Variants in ZFP2 observed in about 807,000 individuals in gnomAD.
ZFP2 encodes zinc finger protein ZFP2.
In ZFP2, 33 loss-of-function variants were observed where a neutral mutation model predicts 36.1. That is an observed-to-expected ratio of 0.92 (90% CI 0.69 to 1.22). The LOEUF (loss-of-function observed/expected upper bound fraction) is 1.22, where lower values mean the gene tolerates loss of function less well. Among genes scored for constraint, ZFP2 ranks in the 50% most tolerant of loss-of-function variants. The pLI is 0.00. For synonymous variants in ZFP2, 170 were observed against 178.0 expected (o/e 0.96, Z 0.36); for missense variants, 522 against 551.4 (o/e 0.95, Z 0.53).
At chr5:178,912,428 A>AT (rs1758318072) in intron 1 of ZFP2, among the ~76,000 whole-genome samples, 156 bp from the exon 2 acceptor site, 1 of 151,830 alleles carries the variant, frequency 6.6e-6, no homozygotes, top group South Asian at 2.1e-4. Flanking sequence ...TTTTTATATT[A>AT]TGTCTCTGGT....
In ZFP2 at chr5:178,917,563, C is replaced by T. The variant is rs528667437; in HGVS notation, c.-78+853C>T. Among the ~76,000 whole-genome samples, 132 of 151,638 alleles carry T rather than the reference C, an allele frequency of 8.7e-4. 2 individuals are homozygous for T. The highest frequency in any genetic ancestry group is 1.4e-3 in the Non-Finnish European group (95 of 67,946). On this transcript the variant is annotated intron_variant, in intron 4 of 4. Coordinates refer to ENST00000361362, the MANE Select transcript of ZFP2 (RefSeq NM_030613.4). ...CCGGGAGGTGGAAGTTGCAGTAAGCCGAGATCATGCCACTGCACTCCAGCC... is the reference window on the plus strand; with the variant it reads ...CCGGGAGGTGGAAGTTGCAGTAAGCTGAGATCATGCCACTGCACTCCAGCC...
chr5:178,897,340 G>A (rs1212352414), intron 1 of ZFP2, among the ~76,000 whole-genome samples: 2 of 152,192 alleles, frequency 1.3e-5, no homozygotes, highest in South Asian at 2.1e-4. Flanking sequence ...ATATTTTCAC[G>A]CAGTTTGCAT....
Position 178,910,187 on chromosome 5 carries a change from T to A in ZFP2, c.-449-2397T>A, listed in dbSNP as rs977669189. Reference sequence around the variant, plus strand: ...ATGCTTTGCAGCCATCAAAAATCTTTCTGGTGAATTTGCACATGGTTGCAG... The same window carrying A: ...ATGCTTTGCAGCCATCAAAAATCTTACTGGTGAATTTGCACATGGTTGCAG... On this transcript the variant is annotated intron_variant, in intron 1 of 4. Transcript: ENST00000361362. 108 of 1,558,000 alleles carry A rather than the reference T, an allele frequency of 6.9e-5. 2 individuals carry two copies. Among genetic ancestry groups the A allele is most frequent in the Middle Eastern group, 3.4e-4 (2 of 5,934 alleles).
chr5:178,906,311 G>A (rs184516808), intron 1 of ZFP2, among the ~76,000 whole-genome samples: 38 of 152,176 alleles, frequency 2.5e-4, no homozygotes, highest in Admixed American at 9.8e-4. Context: ...TTTTGGAAGG[G>A]GAATCTTGCA....
rs146372307 is a variant in ZFP2, at chr5:178,932,695, C to T, written c.1382C>T (p.Thr461Met). The change falls in exon 5 of 5, where the codon ACG becomes ATG. Residue 461 changes from threonine to methionine, a missense_variant. Transcript: ENST00000361362. ...CTTACACGACATCAAAGAACTCATA[C>T]GTGAGGAATGTTTTCACTGGCCCTT... Reference protein sequence around the residue: ...TNLTRHQRTHT With the variant: ...TNLTRHQRTHM 260 of 1,586,826 alleles carry T rather than the reference C, an allele frequency of 1.6e-4. No homozygotes were observed. In the African/African-American group the frequency reaches 2.9e-3, roughly 18 times the overall value.
At chr5:178,912,384 T>C (rs141762622) in intron 1 of ZFP2, among the ~76,000 whole-genome samples, 200 bp from the exon 2 acceptor site, 11 of 152,294 alleles carry the variant, frequency 7.2e-5, no homozygotes, top group Admixed American at 5.9e-4. Context: ...TTCTCACTTA[T>C]ACCTACTCTT....
chr5:178,910,694 CAG>C (rs1758278901), intron 1 of ZFP2: 1 of 306,468 alleles, frequency 3.3e-6, no homozygotes, highest in Admixed American at 3.5e-5. Flanking sequence ...TGTCATCAGT[CAG>C]AGGAGCTAGC....
At chr5:178,916,798 T>A in intron 4 of ZFP2, 88 bp downstream of exon 4, 1 of 940,292 alleles carries the variant, frequency 1.1e-6, no homozygotes, top group Non-Finnish European at 1.3e-6. Context: ...ATCTTTTGTT[T>A]TGTTGGTTTT....
At chr5:178,908,330 C>T (rs996993331) in intron 1 of ZFP2, among the ~76,000 whole-genome samples, 2 of 151,534 alleles carry the variant, frequency 1.3e-5, no homozygotes, top group African/African-American at 4.9e-5. Context: ...GCCTGTAGTC[C>T]CAGCTACTCA....
intron 1 of ZFP2, among the ~76,000 whole-genome samples, chr5:178,898,249 G>C (rs967244389): frequency 6.6e-6 from 1 of 152,184 alleles, no homozygotes; most frequent in Non-Finnish European, 1.5e-5. Flanking sequence ...GCCTCCCAAA[G>C]TGCTGGGATT....
chr5:178,919,072 T>C (rs182154438), intron 4 of ZFP2, among the ~76,000 whole-genome samples: 1 of 152,300 alleles, frequency 6.6e-6, no homozygotes, highest in East Asian at 1.9e-4. Context: ...CATTAAATAG[T>C]AGTAGTAATA....
At chr5:178,908,935 A>G (rs1758229981) in intron 1 of ZFP2, among the ~76,000 whole-genome samples, 1 of 152,150 alleles carries the variant, frequency 6.6e-6, no homozygotes, top group Admixed American at 6.5e-5. Context: ...TCTGGGGTCT[A>G]AAACCCCTCG....
In ZFP2 at chr5:178,916,643, T is replaced by C. The variant is rs1561681989; in HGVS notation, c.-145T>C. The C allele has an allele frequency of 1.0e-6, 1 of 985,248 alleles. No individual in the cohort carries two copies. The highest frequency in any genetic ancestry group is 1.2e-6 in the Non-Finnish European group (1 of 829,936). 61.0% of individuals were successfully genotyped at this position (985,248 alleles called of 1,614,324 possible). ...CTGTCCCAGTCAAGGGGAGAAAGTA[T>C]TGACTGAGTGCTGTGCTCAGCTCTT... On this transcript the variant is annotated 5_prime_UTR_variant, in exon 4 of 5. Transcript: ENST00000361362.
chr5:178,910,780 C>A lies in ZFP2; in HGVS notation c.-449-1804C>A, dbSNP rs879237014. Among the ~76,000 whole-genome samples, 4 of 152,236 alleles carry A rather than the reference C, an allele frequency of 2.6e-5. No individual in the cohort carries two copies. The South Asian group carries it at 8.3e-4, about 32-fold the overall frequency. ...TGGCAGCATGGCGGGTCCAACCCTC[C>A]TACCATCCCCGCTGGGGTTTCCAGG... is the stretch of plus-strand genomic sequence containing the variant. On this transcript the variant is annotated intron_variant, in intron 1 of 4. Transcript: ENST00000361362.
intron 4 of ZFP2, among the ~76,000 whole-genome samples, chr5:178,924,366 C>G (rs13153237): frequency 4.6e-4 from 30 of 65,446 alleles, no homozygotes; most frequent in African/African-American, 1.4e-3. Flanking sequence ...GAGAGAGACT[C>G]TGTCTCAAAA....
chr5:178,918,724 A>G (rs758812590), intron 4 of ZFP2, among the ~76,000 whole-genome samples: 1 of 152,276 alleles, frequency 6.6e-6, no homozygotes, highest in Non-Finnish European at 1.5e-5. Context: ...AAAGGCAGAG[A>G]GAACTGTATG....
At chr5:178,920,511 C>G (rs1758537333) in intron 4 of ZFP2, among the ~76,000 whole-genome samples, 1 of 152,030 alleles carries the variant, frequency 6.6e-6, no homozygotes, top group Non-Finnish European at 1.5e-5. Context: ...GTGGCGTGTA[C>G]CTGTAGTCCC....
chr5:178,909,399 A>C (rs1758241929), intron 1 of ZFP2, among the ~76,000 whole-genome samples: 1 of 152,176 alleles, frequency 6.6e-6, no homozygotes, highest in South Asian at 2.1e-4. Context: ...TTCAACCCCC[A>C]CATCCTCACC....
chr5:178,904,644 A>G (rs903770105), intron 1 of ZFP2, among the ~76,000 whole-genome samples: 17 of 134,190 alleles, frequency 1.3e-4, no homozygotes, highest in Admixed American at 9.9e-4. Flanking sequence ...CCATTGTTCT[A>G]TTTCTGTTGT....
Sources: allele counts gnomAD v4.1 joint callset (sites outside exome capture counted in the v4.1 genomes callset), GRCh38; gene constraint gnomAD v4.1.1; transcripts MANE v1.5; gene names NCBI Gene and HGNC (gene_info 2026-07-23, HGNC 2026-07-21).